The following HEMK2 variants were observed in gnomAD, a reference collection of about 807,000 sequenced individuals.
HEMK2 encodes methyltransferase HEMK2.
At chr21:28,724,866 C>G in the HEMK2 span, among the ~76,000 whole-genome samples, 1 of 152,200 alleles carries the variant, frequency 6.6e-6, no homozygotes, top group African/African-American at 2.4e-5. Context: ...ACTGCAACCT[C>G]TACCTCCTGG....
chr21:28,616,937 T>G, the HEMK2 span, among the ~76,000 whole-genome samples: 1 of 152,216 alleles, frequency 6.6e-6, no homozygotes, highest in Non-Finnish European at 1.5e-5. Flanking sequence ...CAAGCACTTT[T>G]TAAGGCACTG....
chr21:28,734,141 A>C, the HEMK2 span, among the ~76,000 whole-genome samples: 2 of 152,224 alleles, frequency 1.3e-5, no homozygotes, highest in African/African-American at 4.8e-5. Context: ...TGAGCCACTC[A>C]CATTTGCTTC....
the HEMK2 span, among the ~76,000 whole-genome samples, chr21:28,608,566 A>T: frequency 9.6e-3 from 1,468 of 152,290 alleles, 16 homozygotes; most frequent in Non-Finnish European, 0.014. Flanking sequence ...AGACCCTTTG[A>T]AGGAGGTGGA....
chr21:28,830,801 C>T, the HEMK2 span, among the ~76,000 whole-genome samples: 2 of 150,624 alleles, frequency 1.3e-5, no homozygotes, highest in Non-Finnish European at 3.0e-5. Flanking sequence ...CGCTTGAACC[C>T]AGGAGGAGGA....
chr21:28,652,878 G>T, the HEMK2 span, among the ~76,000 whole-genome samples: 3 of 152,024 alleles, frequency 2.0e-5, no homozygotes, highest in South Asian at 6.2e-4. Flanking sequence ...ATTAGCCTAA[G>T]ATACTCCCAC....
chr21:28,651,471 CA>C, the HEMK2 span, among the ~76,000 whole-genome samples: 3 of 152,122 alleles, frequency 2.0e-5, no homozygotes, highest in Non-Finnish European at 4.4e-5. Context: ...AGAAATAAAA[CA>C]GAATAAAGTA....
the HEMK2 span, among the ~76,000 whole-genome samples, chr21:28,620,626 T>A: frequency 6.6e-6 from 1 of 150,640 alleles, no homozygotes; most frequent in Non-Finnish European, 1.5e-5. Flanking sequence ...CCTTTATCAT[T>A]TTTTATTGTG....
the HEMK2 span, among the ~76,000 whole-genome samples, chr21:28,616,588 G>T: frequency 6.6e-6 from 1 of 152,116 alleles, no homozygotes; most frequent in Non-Finnish European, 1.5e-5. Flanking sequence ...TTCCTGTGCT[G>T]AAATGCTAGC....
the HEMK2 span, among the ~76,000 whole-genome samples, chr21:28,790,230 T>A: frequency 6.6e-6 from 1 of 152,340 alleles, no homozygotes; most frequent in South Asian, 2.1e-4. Context: ...GAAATGTGAT[T>A]CCATTTTGAT....
chr21:28,648,882 C>T, the HEMK2 span, among the ~76,000 whole-genome samples: 4,129 of 151,434 alleles, frequency 0.027, 179 homozygotes, highest in African/African-American at 0.095. Context: ...TGTGCTGCAC[C>T]CAGTAACTCG....
At chr21:28,750,140 C>T in the HEMK2 span, among the ~76,000 whole-genome samples, 1 of 152,080 alleles carries the variant, frequency 6.6e-6, no homozygotes, top group Non-Finnish European at 1.5e-5. Context: ...TGAATAAATA[C>T]ACTAATATAT....
At chr21:28,686,768 T>A in the HEMK2 span, among the ~76,000 whole-genome samples, 1 of 152,238 alleles carries the variant, frequency 6.6e-6, no homozygotes, top group Non-Finnish European at 1.5e-5. Flanking sequence ...GAAATTCTCC[T>A]AAGTCAACAT....
At chr21:28,753,204 A>C in the HEMK2 span, among the ~76,000 whole-genome samples, 3,757 of 152,158 alleles carry the variant, frequency 0.025, 158 homozygotes, top group African/African-American at 0.087. Flanking sequence ...TAAAAATAAC[A>C]AAATTAGCCA....
chr21:28,877,530 G>GAAGAGAGAGAGATAAAGAA, the HEMK2 span, among the ~76,000 whole-genome samples: 3 of 97,728 alleles, frequency 3.1e-5, no homozygotes, highest in South Asian at 1.1e-3. Context: ...AAAGAAAAGA[G>GAAGAGAGAGAGATAAAGAA]AAGAGAAGAG....
At chr21:28,812,715 C>T in the HEMK2 span, among the ~76,000 whole-genome samples, 1 of 152,148 alleles carries the variant, frequency 6.6e-6, no homozygotes, top group Admixed American at 6.6e-5. Flanking sequence ...AGGAATGGTA[C>T]CAGCTCCTCT....
chr21:28,876,293 T>C, the HEMK2 span: 3 of 826,638 alleles, frequency 3.6e-6, no homozygotes, highest in Admixed American at 8.4e-5. Flanking sequence ...GACAAATTTC[T>C]GATAAAATTC....
chr21:28,885,349 C>A, the HEMK2 span: 4 of 1,555,340 alleles, frequency 2.6e-6, no homozygotes, highest in African/African-American at 2.7e-5. Flanking sequence ...CTGCCATAGT[C>A]CTTCGCTGCG....
the HEMK2 span, among the ~76,000 whole-genome samples, chr21:28,768,766 G>A: frequency 6.6e-6 from 1 of 151,928 alleles, no homozygotes; most frequent in Non-Finnish European, 1.5e-5. Flanking sequence ...GTCATATGTT[G>A]AAGCCCTAAC....
the HEMK2 span, chr21:28,876,211 AC>A: frequency 4.6e-6 from 2 of 430,324 alleles, no homozygotes; most frequent in Non-Finnish European, 8.3e-6. Flanking sequence ...ACACATATTT[AC>A]TTGTACTTGT....
Sources: gnomAD v4.1 joint callset for allele counts (sites outside exome capture counted in the v4.1 genomes callset) on GRCh38, gnomAD v4.1.1 for gene constraint, MANE v1.5 for transcripts, NCBI Gene and HGNC (gene_info 2026-07-23, HGNC 2026-07-21) for gene names.